Variants in LMCD1 observed in about 807,000 individuals in gnomAD.
The protein encoded by LMCD1 is LIM and cysteine-rich domains protein 1.
LMCD1 carries 32 observed loss-of-function variants against 42.7 expected under a neutral mutation model. That is an observed-to-expected ratio of 0.75 (90% CI 0.57 to 1.01). LMCD1 has a LOEUF of 1.01. Ranked by LOEUF, LMCD1 falls within the 50% of genes least tolerant of loss-of-function variation. The pLI, the probability that LMCD1 is intolerant of heterozygous loss-of-function variation, is 0.00. For synonymous variants in LMCD1, 178 were observed against 184.9 expected (o/e 0.96, Z 0.30); for missense variants, 458 against 483.1 (o/e 0.95, Z 0.49).
At chr3:8,535,994 G>T (rs1306644221) in intron 2 of LMCD1, among the ~76,000 whole-genome samples, 1 of 152,174 alleles carries the variant, frequency 6.6e-6, no homozygotes, top group African/African-American at 2.4e-5. Flanking sequence ...TGTCCTTTGG[G>T]ACAGAATTGA....
Position 8,530,784 on chromosome 3 carries a change from G to A in LMCD1, c.43-1953G>A, listed in dbSNP as rs562159476. Reference sequence around the variant, plus strand: ...GAAATGAGCAAGGTTATATGCCAGTGGCTTTAGGGAGCAAAGTCCTACCTG... The same window carrying A: ...GAAATGAGCAAGGTTATATGCCAGTAGCTTTAGGGAGCAAAGTCCTACCTG... On this transcript the variant is annotated intron_variant, in intron 1 of 5. Transcript: ENST00000157600. 4.6e-5 allele frequency among the ~76,000 whole-genome samples: 7 copies of A among 152,362 alleles called. 1 individual carries two copies. In the East Asian group the frequency reaches 1.3e-3, roughly 29 times the overall value.
intron 1 of LMCD1, chr3:8,515,004 T>A (rs1313842174): frequency 4.4e-6 from 2 of 456,876 alleles, no homozygotes; most frequent in Non-Finnish European, 8.8e-6. Flanking sequence ...ATGTAAGTTT[T>A]CCTTTGAAGT....
chr3:8,548,196 G>A lies in LMCD1; in HGVS notation c.388-372G>A, dbSNP rs181407694. Among the ~76,000 whole-genome samples, 131 of 152,290 alleles carry A rather than the reference G, an allele frequency of 8.6e-4. 1 individual carries two copies. Among genetic ancestry groups the A allele is most frequent in the African/African-American group, 2.8e-3 (118 of 41,568 alleles). The stretch of plus-strand genomic sequence containing the variant: ...ATACAGTATGCATATGGCAAAGTGC[G>A]TGCATCTGATGTGTACAGCTTGATG... On this transcript the variant is annotated intron_variant, in intron 3 of 5. Coordinates refer to ENST00000157600, the MANE Select transcript of LMCD1 (RefSeq NM_014583.4).
At chr3:8,565,670 GT>G in intron 5 of LMCD1, 23 bp downstream of exon 5, 1 of 1,562,284 alleles carries the variant, frequency 6.4e-7, no homozygotes, top group Non-Finnish European at 8.7e-7. Context: ...CGCGAGATGG[GT>G]TAGGGGGCTT....
At chr3:8,539,622 C>A (rs1432417057) in intron 3 of LMCD1, among the ~76,000 whole-genome samples, 1 of 152,026 alleles carries the variant, frequency 6.6e-6, no homozygotes, top group Non-Finnish European at 1.5e-5. Flanking sequence ...AAACCCCAAA[C>A]ACATTGACCC....
intron 1 of LMCD1, among the ~76,000 whole-genome samples, chr3:8,503,097 G>A (rs761313299): frequency 1.3e-5 from 2 of 152,194 alleles, no homozygotes; most frequent in African/African-American, 2.4e-5. Flanking sequence ...TACTGACACT[G>A]TGAGTTAATT....
Position 8,570,106 on chromosome 3 carries a change from C to G in LMCD1, c.*2508C>G, listed in dbSNP as rs1043709423. On this transcript the variant is annotated 3_prime_UTR_variant, in exon 6 of 6. Transcript: ENST00000157600. ...GGAAGCCCCACCAGTTTATTCAACA[C>G]CTATTTGCTGGTGTTGGAGATACAG... 5 of 152,370 alleles carry G rather than the reference C, an allele frequency of 3.3e-5. No individual in the cohort carries two copies. The highest frequency in any genetic ancestry group is 1.2e-4 in the African/African-American group (5 of 41,390). 9.4% of individuals were successfully genotyped at this position (152,370 alleles called of 1,614,324 possible).
chr3:8,532,320 C>G (rs138353377), intron 1 of LMCD1, among the ~76,000 whole-genome samples: 2 of 152,178 alleles, frequency 1.3e-5, no homozygotes, highest in African/African-American at 4.8e-5. Flanking sequence ...TTTAATCACA[C>G]TCTATCAATA....
intron 4 of LMCD1, among the ~76,000 whole-genome samples, chr3:8,555,286 A>C (rs1252548494): frequency 6.6e-6 from 1 of 151,112 alleles, no homozygotes; most frequent in Non-Finnish European, 1.5e-5. Flanking sequence ...TGGGCAAGGG[A>C]CTTCCAAGTC....
chr3:8,515,644 T>C (rs1694084163), intron 1 of LMCD1, among the ~76,000 whole-genome samples: 2 of 152,060 alleles, frequency 1.3e-5, no homozygotes, highest in African/African-American at 4.8e-5. Context: ...TCAGTGATAA[T>C]AATGGATAGA....
intron 1 of LMCD1, among the ~76,000 whole-genome samples, chr3:8,509,425 C>A (rs1397598023): frequency 6.6e-6 from 1 of 152,182 alleles, no homozygotes; most frequent in African/African-American, 2.4e-5. Context: ...GCTCCATTAC[C>A]AGTCTTTCCC....
In LMCD1 at chr3:8,565,656, T is replaced by C. The variant is rs1224280041; in HGVS notation, c.939+9T>C. The C allele has an allele frequency of 5.1e-6, 8 of 1,580,560 alleles. No homozygotes were observed. In the East Asian group the frequency reaches 1.6e-4, roughly 32 times the overall value. Reference sequence around the variant, plus strand: ...GCTCCGGCTGCGATGAGGTGGGAGATAGCCGCGAGATGGGTTAGGGGGCTT... The same window carrying C: ...GCTCCGGCTGCGATGAGGTGGGAGACAGCCGCGAGATGGGTTAGGGGGCTT... On this transcript the variant is annotated intron_variant, in intron 5 of 5. Coordinates refer to ENST00000157600, the MANE Select transcript of LMCD1 (RefSeq NM_014583.4).
chr3:8,512,948 T>C (rs17049233), intron 1 of LMCD1, among the ~76,000 whole-genome samples: 4,163 of 152,256 alleles, frequency 0.027, 109 homozygotes, highest in South Asian at 0.13. Flanking sequence ...AGAAAGACTT[T>C]TAAAAACTGT....
chr3:8,549,810 G>C, intron 4 of LMCD1: 1 of 703,082 alleles, frequency 1.4e-6, no homozygotes, highest in South Asian at 1.5e-5. Flanking sequence ...TCCTGAGGTG[G>C]CTCAGGGCAT....
Position 8,548,805 on chromosome 3 carries a change from A to G in LMCD1, c.625A>G (p.Lys209Glu), listed in dbSNP as rs766425285. Residue 209 changes from lysine (K) to glutamate (E), a missense_variant, in exon 4 of 6, where the codon AAG becomes GAG. By Grantham distance (56) the Lys-to-Glu change is moderately conservative. Transcript: ENST00000157600. ...CCTCCCGGGGCAGGGTGGCTTGCCC[A>G]AGGAGGAGGGGAAGCAGCAGGAAAA... ...VALPGQGGLP[K>E]EEGKQQEKPE... 6.2e-7 allele frequency: 1 copy of G among 1,607,796 alleles called. No homozygotes were observed. Among genetic ancestry groups the G allele is most frequent in the Non-Finnish European group, 8.5e-7 (1 of 1,174,902 alleles).
chr3:8,551,015 G>C, intron 4 of LMCD1: 1 of 985,360 alleles, frequency 1.0e-6, no homozygotes, highest in Non-Finnish European at 1.2e-6. Flanking sequence ...CATTTAAATA[G>C]CAATACTAGA....
At chr3:8,511,516 A>T (rs1694000002) in intron 1 of LMCD1, among the ~76,000 whole-genome samples, 1 of 152,218 alleles carries the variant, frequency 6.6e-6, no homozygotes, top group South Asian at 2.1e-4. Flanking sequence ...TCAGAAGAGG[A>T]AATACTTAAT....
chr3:8,508,064 A>G (rs1255830002), intron 1 of LMCD1, among the ~76,000 whole-genome samples: 2 of 152,204 alleles, frequency 1.3e-5, no homozygotes, highest in Non-Finnish European at 2.9e-5. Flanking sequence ...GGTATAGAAT[A>G]AAGACTTTCT....
At chr3:8,549,778 C>T (rs1366195516) in intron 4 of LMCD1, 1 of 701,548 alleles carries the variant, frequency 1.4e-6, no homozygotes, top group Non-Finnish European at 2.6e-6. Context: ...GGACTTCTTC[C>T]TGGTGAGCAC....
Sources: allele counts gnomAD v4.1 joint callset (sites outside exome capture counted in the v4.1 genomes callset), GRCh38; gene constraint gnomAD v4.1.1; transcripts MANE v1.5; gene names NCBI Gene and HGNC (gene_info 2026-07-23, HGNC 2026-07-21).